The following BTBD1 variants were observed in gnomAD, a reference collection of about 807,000 sequenced individuals.
BTBD1 encodes the protein BTB/POZ domain-containing protein 1.
Under a neutral mutation model 48.0 loss-of-function variants are expected in BTBD1, and 34 were observed. The observed-to-expected ratio is 0.71, with a 90% CI of 0.54 to 0.94. The LOEUF (loss-of-function observed/expected upper bound fraction) is 0.94, where lower values mean the gene tolerates loss of function less well. Among genes scored for constraint, BTBD1 ranks in the 40% least tolerant of loss-of-function variants. The pLI is 0.00. For missense variants in BTBD1, 543 were observed against 625.6 expected, an observed-to-expected ratio of 0.87 and a Z score of 1.41; for synonymous variants, 261 against 242.1, an observed-to-expected ratio of 1.08 and a Z score of -0.72.
chr15:83,040,655 G>A (rs577743951), intron 4 of BTBD1, among the ~76,000 whole-genome samples: 36 of 139,524 alleles, frequency 2.6e-4, no homozygotes, highest in African/African-American at 9.8e-4. Flanking sequence ...AGCTGAGATC[G>A]CACGACCGCA....
chr15:83,055,743 C>T (rs191231888), intron 2 of BTBD1, among the ~76,000 whole-genome samples: 14 of 152,290 alleles, frequency 9.2e-5, no homozygotes, highest in African/African-American at 3.4e-4. Context: ...CATCTTTATT[C>T]CAGATCCAGC....
chr15:83,028,796 A>G (rs147101336), intron 5 of BTBD1: 1 of 152,204 alleles, frequency 6.6e-6, no homozygotes, highest in Non-Finnish European at 1.5e-5. Context: ...AATTAAAATA[A>G]AAATGTCAGC....
chr15:83,043,894 A>G (rs953719224), intron 3 of BTBD1, among the ~76,000 whole-genome samples: 1 of 152,182 alleles, frequency 6.6e-6, no homozygotes, highest in Admixed American at 6.5e-5. Flanking sequence ...TCAGGTCCTC[A>G]CTCAGAACCC....
intron 3 of BTBD1, among the ~76,000 whole-genome samples, chr15:83,047,244 T>C (rs911700463): frequency 9.2e-5 from 14 of 152,126 alleles, no homozygotes; most frequent in Admixed American, 8.5e-4. Flanking sequence ...GCAAGAGTAA[T>C]GGAACAGGGA....
rs1291636262 is a variant in BTBD1, at chr15:83,027,173, T to C, written c.1055+2963A>G. Among the ~76,000 whole-genome samples the C allele has an allele frequency of 1.3e-5, 2 of 152,030 alleles. 1 individual carries two copies. The highest frequency in any genetic ancestry group is 4.8e-5 in the African/African-American group (2 of 41,392). On this transcript the variant is annotated intron_variant, in intron 5 of 7. Transcript: ENST00000261721. Reference sequence around the variant, plus strand: ...TTCGGGACCAGCCTGGCCAACATGGTGAAACCCCGTCTCTATTAAAAATAC... The same window carrying C: ...TTCGGGACCAGCCTGGCCAACATGGCGAAACCCCGTCTCTATTAAAAATAC...
At chr15:83,065,427 T>A (rs1010844068) in intron 1 of BTBD1, among the ~76,000 whole-genome samples, 1 of 152,238 alleles carries the variant, frequency 6.6e-6, no homozygotes, top group Admixed American at 6.5e-5. Flanking sequence ...ATCTATCCTG[T>A]CCTTTATCCA....
At chr15:83,056,167 A>T (rs553909357) in intron 2 of BTBD1, among the ~76,000 whole-genome samples, 2 of 152,196 alleles carry the variant, frequency 1.3e-5, no homozygotes, top group South Asian at 4.2e-4. Flanking sequence ...AGCATTCCAG[A>T]GTCTTGGAAT....
At chr15:83,044,363 C>T (rs2032832795) in intron 3 of BTBD1, 1 of 1,521,564 alleles carries the variant, frequency 6.6e-7, no homozygotes, top group Non-Finnish European at 8.9e-7. Flanking sequence ...CCGCCCGTGC[C>T]CACCATGGCC....
At chr15:83,043,607 T>C (rs1409201384) in intron 3 of BTBD1, among the ~76,000 whole-genome samples, 2 of 152,010 alleles carry the variant, frequency 1.3e-5, no homozygotes, top group African/African-American at 4.8e-5. Context: ...GCAGTGGAAG[T>C]GGTGAAAATT....
At chr15:83,021,768 A>ATAATAATAATAATAATAATAAT (rs1555438327) in intron 5 of BTBD1, among the ~76,000 whole-genome samples, 14 of 150,972 alleles carry the variant, frequency 9.3e-5, no homozygotes, top group African/African-American at 3.4e-4. Context: ...AATAATAATA[A>ATAATAATAATAATAATAATAAT]TACATATGGA....
At position 83,067,012 on chromosome 15, in the gene BTBD1, T is replaced by C; in HGVS notation, c.140A>G (p.Asn47Ser). ...LLPLQREPLY[N>S]WQATKASLKE... is the part of the protein sequence containing the mutation. ...CAGCGACGCCTTGGTCGCCTGCCAG[T>C]TGTAGAGAGGTTCCCGCTGCAGGGG... is the stretch of plus-strand genomic sequence containing the variant. Residue 47 changes from asparagine (N) to serine (S), a missense_variant, in exon 1 of 8, where the codon AAC becomes AGC. This residue lies in a region of BTBD1 where 173 missense variants were observed against 163.9 expected (regional missense o/e 1.06). Coordinates refer to ENST00000261721, the MANE Select transcript of BTBD1 (RefSeq NM_025238.4). 1.3e-6 allele frequency: 2 copies of C among 1,584,938 alleles called. No homozygotes were observed. Among genetic ancestry groups the C allele is most frequent in the South Asian group, 1.1e-5 (1 of 88,812 alleles).
intron 3 of BTBD1, among the ~76,000 whole-genome samples, chr15:83,046,111 TG>T (rs1490141146): frequency 6.6e-6 from 1 of 152,026 alleles, no homozygotes; most frequent in East Asian, 1.9e-4. Flanking sequence ...TACCAATTTT[TG>T]GGGCTAGGCA....
At chr15:83,058,661 C>A (rs538257097) in intron 1 of BTBD1, among the ~76,000 whole-genome samples, 1 of 151,956 alleles carries the variant, frequency 6.6e-6, no homozygotes. Context: ...GACAAGGTAG[C>A]AGTCTAGAAG....
intron 4 of BTBD1, among the ~76,000 whole-genome samples, chr15:83,035,710 AAAGT>A (rs571222935): frequency 1.9e-3 from 289 of 152,234 alleles, no homozygotes; most frequent in Middle Eastern, 6.8e-3. Flanking sequence ...GAAAGGAAAG[AAAGT>A]AATAAAGAAA....
At chr15:83,033,021 A>G (rs1025949068) in intron 4 of BTBD1, among the ~76,000 whole-genome samples, 1 of 150,500 alleles carries the variant, frequency 6.6e-6, no homozygotes, top group African/African-American at 2.4e-5. Flanking sequence ...GATAGATGGG[A>G]ATAACTGTCA....
At chr15:83,058,743 T>C (rs112779112) in intron 1 of BTBD1, among the ~76,000 whole-genome samples, 107 of 152,312 alleles carry the variant, frequency 7.0e-4, no homozygotes, top group African/African-American at 2.4e-3. Flanking sequence ...AGCAGCAATG[T>C]GAGGCCTTTA....
intron 3 of BTBD1, chr15:83,044,504 T>A: frequency 6.3e-7 from 1 of 1,580,288 alleles, no homozygotes; most frequent in Middle Eastern, 1.7e-4. Flanking sequence ...GTATCATCAC[T>A]TGTGATGGCA....
rs983076818 is a variant in BTBD1 at position 83,017,154 on chromosome 15, G to C, written c.*913C>G. ...AGAAAGCGTATTTTTCAGCAGGAGTGATTCTGTTGGATCTCTTTACAATGT... is the reference window on the plus strand; with the variant it reads ...AGAAAGCGTATTTTTCAGCAGGAGTCATTCTGTTGGATCTCTTTACAATGT... On this transcript the variant is annotated 3_prime_UTR_variant, in exon 8 of 8. Transcript: ENST00000261721. The C allele has an allele frequency of 6.6e-6, 1 of 152,638 alleles. No individual in the cohort carries two copies. Among genetic ancestry groups the C allele is most frequent in the Non-Finnish European group, 1.5e-5 (1 of 68,028 alleles). The allele number at this position is 152,638 out of a possible 1,614,324, so 9.5% of individuals were successfully genotyped here.
At chr15:83,050,361 C>G (rs191836241) in intron 2 of BTBD1, among the ~76,000 whole-genome samples, 183 bp from the exon 3 acceptor site, 40 of 151,532 alleles carry the variant, frequency 2.6e-4, no homozygotes, top group African/African-American at 9.7e-4. Context: ...AAATGAAAAG[C>G]TAAAAATACA....
Sources: gnomAD v4.1 joint callset for allele counts (sites outside exome capture counted in the v4.1 genomes callset) on GRCh38, gnomAD v4.1.1 for gene constraint, gnomAD v4.1.1 regional missense constraint, MANE v1.5 for transcripts, NCBI Gene and HGNC (gene_info 2026-07-23, HGNC 2026-07-21) for gene names.